The following SEMA5A variants were observed in gnomAD, a reference collection of about 807,000 sequenced individuals.
SEMA5A encodes semaphorin 5A, also known as semaphorin-5A.
Under a neutral mutation model 135.5 loss-of-function variants are expected in SEMA5A, and 55 were observed. That is an observed-to-expected ratio of 0.41 (90% CI 0.33 to 0.51). The LOEUF (loss-of-function observed/expected upper bound fraction) is 0.51, where lower values mean the gene tolerates loss of function less well. SEMA5A is among the 20% of genes least tolerant of loss of function. The pLI, the probability that SEMA5A is intolerant of heterozygous loss-of-function variation, is 0.37. For missense variants in SEMA5A, 1,290 were observed against 1,419.9 expected, an observed-to-expected ratio of 0.91 and a Z score of 1.47; for synonymous variants, 580 against 546.5, an observed-to-expected ratio of 1.06 and a Z score of -0.85.
chr5:9,420,422 G>C (rs1483494888), intron 2 of SEMA5A, among the ~76,000 whole-genome samples: 4 of 152,078 alleles, frequency 2.6e-5, no homozygotes, highest in African/African-American at 9.7e-5. Context: ...ACTTGCACAG[G>C]GTTACTCCTA....
chr5:9,373,788 C>A (rs948400877), intron 3 of SEMA5A, among the ~76,000 whole-genome samples: 2 of 152,180 alleles, frequency 1.3e-5, no homozygotes, highest in Non-Finnish European at 2.9e-5. Flanking sequence ...CAGCATGACT[C>A]ACATCACTGG....
At chr5:9,158,748 C>A (rs1743089222) in intron 11 of SEMA5A, among the ~76,000 whole-genome samples, 1 of 152,136 alleles carries the variant, frequency 6.6e-6, no homozygotes, top group Non-Finnish European at 1.5e-5. Context: ...ACTATAGATA[C>A]TCATCATGAA....
intron 5 of SEMA5A, among the ~76,000 whole-genome samples, chr5:9,317,216 T>C (rs1478255949): frequency 6.6e-6 from 1 of 152,340 alleles, no homozygotes; most frequent in South Asian, 2.1e-4. Flanking sequence ...TTGTCAATTG[T>C]GATAAAACTA....
intron 1 of SEMA5A, among the ~76,000 whole-genome samples, chr5:9,518,573 C>T (rs1561316318): frequency 6.6e-6 from 1 of 152,134 alleles, no homozygotes; most frequent in Non-Finnish European, 1.5e-5. Flanking sequence ...AAAACTTCAC[C>T]CAATTATGCC....
intron 6 of SEMA5A, among the ~76,000 whole-genome samples, chr5:9,232,255 C>G (rs1173571254): frequency 6.6e-6 from 1 of 152,154 alleles, no homozygotes; most frequent in Non-Finnish European, 1.5e-5. Flanking sequence ...GCCCGTCGCC[C>G]AGCCCACTAA....
chr5:9,339,170 CT>C (rs1222564657), intron 3 of SEMA5A, among the ~76,000 whole-genome samples: 1 of 152,088 alleles, frequency 6.6e-6, no homozygotes, highest in Non-Finnish European at 1.5e-5. Flanking sequence ...CCTTCCAGGA[CT>C]TTATAATTCA....
intron 16 of SEMA5A, among the ~76,000 whole-genome samples, chr5:9,099,654 A>T (rs1739515057): frequency 6.6e-6 from 1 of 152,230 alleles, no homozygotes; most frequent in Non-Finnish European, 1.5e-5. Context: ...CAGCTACTGA[A>T]CGGTATTTGA....
chr5:9,297,186 A>ATG, intron 5 of SEMA5A, among the ~76,000 whole-genome samples: 1 of 148,562 alleles, frequency 6.7e-6, no homozygotes, highest in Non-Finnish European at 1.5e-5. Context: ...ATACATATGT[A>ATG]TATACACATA....
At chr5:9,432,403 T>C (rs1757888138) in intron 2 of SEMA5A, among the ~76,000 whole-genome samples, 1 of 152,184 alleles carries the variant, frequency 6.6e-6, no homozygotes, top group African/African-American at 2.4e-5. Flanking sequence ...AAAATTCCTT[T>C]CAGGAACGTG....
At chr5:9,184,819 G>A (rs981427112) in intron 11 of SEMA5A, among the ~76,000 whole-genome samples, 1 of 151,992 alleles carries the variant, frequency 6.6e-6, no homozygotes, top group Non-Finnish European at 1.5e-5. Flanking sequence ...GCTCCTGCTG[G>A]GATGCCTTCT....
intron 2 of SEMA5A, among the ~76,000 whole-genome samples, chr5:9,400,719 GA>G (rs1195183691): frequency 1.8e-5 from 1 of 54,306 alleles, no homozygotes; most frequent in Admixed American, 2.1e-4. Context: ...TTTTAGCCGG[GA>G]TGGTCTCGAT....
chr5:9,207,829 G>T (rs1431710348), intron 8 of SEMA5A, among the ~76,000 whole-genome samples: 4 of 151,712 alleles, frequency 2.6e-5, no homozygotes, highest in African/African-American at 7.3e-5. Flanking sequence ...TTTTCCTGAG[G>T]TTTCTACTAA....
intron 3 of SEMA5A, among the ~76,000 whole-genome samples, chr5:9,374,052 A>G (rs368419372): frequency 1.3e-5 from 2 of 152,240 alleles, no homozygotes; most frequent in South Asian, 2.1e-4. Flanking sequence ...ATTGGAATAG[A>G]CATTTAAACA....
At chr5:9,451,957 A>T (rs1423752039) in intron 1 of SEMA5A, among the ~76,000 whole-genome samples, 1 of 152,202 alleles carries the variant, frequency 6.6e-6, no homozygotes. Flanking sequence ...GGAGGAAAAA[A>T]AGATGAAGGA....
chr5:9,090,726 C>A (rs1738985516), intron 16 of SEMA5A, among the ~76,000 whole-genome samples: 1 of 152,176 alleles, frequency 6.6e-6, no homozygotes, highest in Non-Finnish European at 1.5e-5. Flanking sequence ...GACAGGGCAC[C>A]TGCAACCGGG....
intron 3 of SEMA5A, among the ~76,000 whole-genome samples, chr5:9,356,006 C>T (rs139950983): frequency 5.7e-3 from 869 of 152,238 alleles, no homozygotes; most frequent in Middle Eastern, 0.017. Context: ...GATACATAAC[C>T]CATTTATCTT....
intron 8 of SEMA5A, among the ~76,000 whole-genome samples, chr5:9,203,126 T>G (rs1372536092): frequency 6.6e-6 from 1 of 152,216 alleles, no homozygotes; most frequent in Non-Finnish European, 1.5e-5. Context: ...ATAATAGAGA[T>G]AGTACATTTT....
At chr5:9,223,068 C>T (rs1747093238) in intron 8 of SEMA5A, among the ~76,000 whole-genome samples, 2 of 152,198 alleles carry the variant, frequency 1.3e-5, no homozygotes, top group Non-Finnish European at 2.9e-5. Flanking sequence ...TGAAGCTGCA[C>T]AGATGAAAGT....
chr5:9,512,506 C>T (rs191317871), intron 1 of SEMA5A, among the ~76,000 whole-genome samples: 15 of 152,120 alleles, frequency 9.9e-5, no homozygotes, highest in East Asian at 5.8e-4. Context: ...ACTCATAATC[C>T]GGTGTTATTT....
Sources: gnomAD v4.1 joint callset for allele counts (sites outside exome capture counted in the v4.1 genomes callset) on GRCh38, gnomAD v4.1.1 for gene constraint, MANE v1.5 for transcripts, NCBI Gene and HGNC (gene_info 2026-07-23, HGNC 2026-07-21) for gene names.